Variants in ANO1 observed in about 807,000 individuals in gnomAD.
ANO1 encodes the protein anoctamin-1.
Under a neutral mutation model 124.0 loss-of-function variants are expected in ANO1, and 59 were observed. That is an observed-to-expected ratio of 0.48 (90% CI 0.39 to 0.59). The LOEUF (loss-of-function observed/expected upper bound fraction) is 0.59, where lower values mean the gene tolerates loss of function less well. Among genes scored for constraint, ANO1 ranks in the 20% least tolerant of loss-of-function variants. ANO1 has a pLI of 0.00. For synonymous variants in ANO1, 529 were observed against 532.0 expected, an observed-to-expected ratio of 0.99 and a Z score of 0.08; for missense variants, 1,059 against 1,328.0, an observed-to-expected ratio of 0.80 and a Z score of 3.15.
chr11:70,075,061 T>C (rs994235885), upstream of ANO1: 1 of 152,202 alleles, frequency 6.6e-6, no homozygotes, highest in Non-Finnish European at 1.5e-5. Flanking sequence ...GGAGCGAGGT[T>C]CTTGTTCCGG....
chr11:70,103,274 A>AAC (rs2045351208), intron 3 of ANO1, 110 bp downstream of exon 3: 1 of 870,478 alleles, frequency 1.1e-6, no homozygotes, highest in African/African-American at 1.7e-5. Context: ...TAAAAAAAAA[A>AAC]CCCAGTGGGC....
intron 1 of ANO1, 24 bp downstream of exon 1, chr11:70,078,738 G>C (rs1412673710): frequency 7.0e-7 from 1 of 1,418,908 alleles, no homozygotes; most frequent in Non-Finnish European, 9.4e-7. Flanking sequence ...GCCGCGACCC[G>C]GGCGGGAGGG....
chr11:70,137,197 G>A (rs12224572), intron 11 of ANO1, among the ~76,000 whole-genome samples: 86,381 of 146,082 alleles, frequency 0.59, 29,967 homozygotes, highest in Non-Finnish European at 0.71. Context: ...AAGCACACGT[G>A]CCAGAGCTCC....
intron 15 of ANO1, 47 bp downstream of exon 15, chr11:70,156,035 C>A: frequency 7.1e-7 from 1 of 1,418,110 alleles, no homozygotes; most frequent in Non-Finnish European, 9.3e-7. Flanking sequence ...TGTTTGCAGG[C>A]AATCAAAGTC....
chr11:70,090,639 A>G (rs1045756548), intron 2 of ANO1, among the ~76,000 whole-genome samples: 1 of 152,212 alleles, frequency 6.6e-6, no homozygotes. Context: ...ACCCTTTCCA[A>G]GTCTCATTAA....
chr11:70,021,126 C>G (rs1555002592), intron 1 of ANO1: 1 of 152,166 alleles, frequency 6.6e-6, no homozygotes, highest in African/African-American at 2.4e-5. Flanking sequence ...GAACCCCCAT[C>G]TTCTACGCTC....
At chr11:70,136,582 C>T (rs921207270) in intron 11 of ANO1, among the ~76,000 whole-genome samples, 1 of 147,494 alleles carries the variant, frequency 6.8e-6, no homozygotes, top group Non-Finnish European at 1.5e-5. Flanking sequence ...TCAGCCAGGG[C>T]CTGCAAGCCT....
chr11:70,064,550 G>A (rs1163784343), intron 1 of ANO1: 1 of 152,182 alleles, frequency 6.6e-6, no homozygotes, highest in Non-Finnish European at 1.5e-5. Flanking sequence ...TCCCTGTTTG[G>A]GGCAGCAGGT....
intron 2 of ANO1, among the ~76,000 whole-genome samples, chr11:70,092,815 G>A (rs2044685042): frequency 6.6e-6 from 1 of 152,314 alleles, no homozygotes; most frequent in Admixed American, 6.5e-5. Flanking sequence ...GTTGAGGTCG[G>A]AGCCATGTCC....
At chr11:70,053,805 T>A (rs1555006527) in intron 1 of ANO1, among the ~76,000 whole-genome samples, 1 of 152,218 alleles carries the variant, frequency 6.6e-6, no homozygotes, top group Non-Finnish European at 1.5e-5. Context: ...TGGAGCTCTA[T>A]GTGCCTAGAG....
intron 11 of ANO1, among the ~76,000 whole-genome samples, chr11:70,147,822 C>A (rs2047440761): frequency 6.6e-6 from 1 of 152,210 alleles, no homozygotes; most frequent in Admixed American, 6.5e-5. Flanking sequence ...ACTGTCCTGC[C>A]ATCCTGAAAC....
Position 70,172,223 on chromosome 11 carries a change from T to C in ANO1, c.2350+1184T>C, listed in dbSNP as rs547537833. On this transcript the variant is annotated intron_variant, in intron 22 of 25. Coordinates refer to ENST00000355303, the MANE Select transcript of ANO1 (RefSeq NM_018043.7). ...CTTCCTTGTGGATTAGTGAGCTCCC[T>C]GTTACCAGAGGCATTTAAGCAGAGA... is the stretch of plus-strand genomic sequence containing the variant. Among the ~76,000 whole-genome samples the C allele has an allele frequency of 2.7e-4, 41 of 152,022 alleles. No individual in the cohort carries two copies. In the South Asian group the frequency reaches 8.3e-3, roughly 31 times the overall value.
At chr11:70,041,024 G>A (rs1178831785) in intron 1 of ANO1, among the ~76,000 whole-genome samples, 4 of 152,218 alleles carry the variant, frequency 2.6e-5, no homozygotes, top group Non-Finnish European at 5.9e-5. Context: ...TTCAGGCACT[G>A]ATTAAGGTTT....
rs552548623 is a variant in ANO1 at position 70,147,954 on chromosome 11, C to T, written c.1259-1756C>T. 1.1e-4 allele frequency among the ~76,000 whole-genome samples: 17 copies of T among 152,302 alleles called. 1 individual carries two copies. In the South Asian group the frequency reaches 3.5e-3, roughly 32 times the overall value. ...ATTAAGTTACTCCGCTATGAAAAGA[C>T]CTGGGGTCGGCGGGGGGTTCCTATT... is the stretch of plus-strand genomic sequence containing the variant. On this transcript the variant is annotated intron_variant, in intron 11 of 25. Coordinates refer to ENST00000355303, the MANE Select transcript of ANO1 (RefSeq NM_018043.7).
intron 1 of ANO1, among the ~76,000 whole-genome samples, chr11:69,991,563 G>A (rs61885150): frequency 0.084 from 12,866 of 152,274 alleles, 707 homozygotes; most frequent in East Asian, 0.14. Context: ...AACAGAACCC[G>A]ATGTTCTGTG....
intron 8 of ANO1, among the ~76,000 whole-genome samples, chr11:70,122,582 C>T (rs549242285): frequency 3.4e-4 from 52 of 151,558 alleles, no homozygotes; most frequent in Middle Eastern, 3.4e-3. Flanking sequence ...TCTCCACCTC[C>T]CCACCTCTCT....
At position 70,108,414 on chromosome 11, in the gene ANO1, T is replaced by C. The variant is rs1281947950; in HGVS notation, c.799+10T>C. The C allele has an allele frequency of 1.9e-6, 3 of 1,609,792 alleles. No individual in the cohort carries two copies. Among genetic ancestry groups the C allele is most frequent in the Non-Finnish European group, 2.5e-6 (3 of 1,177,000 alleles). ...GCCAAGTACAGCATGGGTAAGCACG[T>C]TTTTGGGGCTTGAGATCAGCATTGG... On this transcript the variant is annotated intron_variant, in intron 6 of 25. Coordinates refer to ENST00000355303, the MANE Select transcript of ANO1 (RefSeq NM_018043.7).
intron 1 of ANO1, among the ~76,000 whole-genome samples, chr11:70,043,816 A>T (rs117907141): frequency 0.013 from 1,967 of 152,278 alleles, 18 homozygotes; most frequent in Non-Finnish European, 0.022. Context: ...ACAACAAATG[A>T]TAAAGGAAGT....
Position 70,087,894 on chromosome 11 carries a change from A to AGCACAGCGACACCCCCTCTGGGGC in ANO1, c.252_275dup (p.His85_Ala92dup), listed in dbSNP as rs1160081589. ...AACCGGACCCTGGTCAGGAGGGTGC[A>AGCACAGCGACACCCCCTCTGGGGC]GCACAGCGACACCCCCTCTGGGGCT... On this transcript the variant is annotated inframe_insertion, in exon 2 of 26. Transcript: ENST00000355303. 3 of 1,611,630 alleles carry AGCACAGCGACACCCCCTCTGGGGC rather than the reference A, an allele frequency of 1.9e-6. No homozygotes were observed. Among genetic ancestry groups the AGCACAGCGACACCCCCTCTGGGGC allele is most frequent in the Non-Finnish European group, 2.5e-6 (3 of 1,179,260 alleles).
Sources: gnomAD v4.1 joint callset for allele counts (sites outside exome capture counted in the v4.1 genomes callset) on GRCh38, gnomAD v4.1.1 for gene constraint, MANE v1.5 for transcripts, NCBI Gene and HGNC (gene_info 2026-07-23, HGNC 2026-07-21) for gene names.